CFAP20DC: variants seen among roughly 807,000 people sequenced by gnomAD.
CFAP20DC encodes CFAP20 domain containing.
A neutral mutation model predicts 101.7 loss-of-function variants in CFAP20DC; 84 were observed. That is an observed-to-expected ratio of 0.83 (90% CI 0.69 to 0.99). The LOEUF (loss-of-function observed/expected upper bound fraction) is 0.99, where lower values mean the gene tolerates loss of function less well. Ranked by LOEUF, CFAP20DC falls within the 50% of genes least tolerant of loss-of-function variation. The probability of loss-of-function intolerance (pLI) is 0.00; values close to 1 mark genes in which losing one functional copy is unlikely to be tolerated. For synonymous variants in CFAP20DC, 359 were observed against 351.2 expected (o/e 1.02, Z -0.25); for missense variants, 1,007 against 970.3 (o/e 1.04, Z -0.50).
At position 58,788,747 on chromosome 3, in the gene CFAP20DC, T is replaced by C. The variant is rs1393563960; in HGVS notation, c.2237+17648A>G. On this transcript the variant is annotated intron_variant, in intron 15 of 16. Coordinates refer to ENST00000482387, the MANE Select transcript of CFAP20DC (RefSeq NM_001394063.1). The surrounding 1 kb of genome is among the most constrained non-coding windows in gnomAD (Gnocchi z 4.2). Reference sequence around the variant, plus strand: ...AAACTTCCTTTTAGCCTTGTGACCTTTGAGCCAAACTCTGTGTCTCTTGTT... The same window carrying C: ...AAACTTCCTTTTAGCCTTGTGACCTCTGAGCCAAACTCTGTGTCTCTTGTT... Among the ~76,000 whole-genome samples, 1 of 152,130 alleles carries C rather than the reference T, an allele frequency of 6.6e-6. No homozygotes were observed. Among genetic ancestry groups the C allele is most frequent in the Admixed American group, 6.6e-5 (1 of 15,260 alleles).
chr3:58,984,066 T>A (rs1287024948), intron 4 of CFAP20DC, among the ~76,000 whole-genome samples: 2 of 152,192 alleles, frequency 1.3e-5, no homozygotes, highest in African/African-American at 2.4e-5. Context: ...GTCATTAATG[T>A]TTAAATGGAA....
At chr3:58,954,715 T>A (rs1256570022) in intron 4 of CFAP20DC, among the ~76,000 whole-genome samples, 1 of 152,188 alleles carries the variant, frequency 6.6e-6, no homozygotes, top group African/African-American at 2.4e-5. Context: ...TGAAGATTCT[T>A]CTGTCTTTAA....
intron 4 of CFAP20DC, among the ~76,000 whole-genome samples, chr3:58,960,191 A>ATT (rs1257851754): frequency 6.6e-6 from 1 of 152,036 alleles, no homozygotes; most frequent in Non-Finnish European, 1.5e-5. Flanking sequence ...AGGTTTGTAA[A>ATT]TTTTGTCCAT....
intron 4 of CFAP20DC, among the ~76,000 whole-genome samples, chr3:58,994,804 T>C (rs1031196969): frequency 2.6e-5 from 4 of 151,308 alleles, no homozygotes; most frequent in African/African-American, 9.7e-5. Context: ...ACAGTTTCAA[T>C]GACTTTGCTC....
At chr3:59,047,132 C>T (rs1261239666) in intron 2 of CFAP20DC, 33 bp downstream of exon 2, 1 of 1,357,142 alleles carries the variant, frequency 7.4e-7, no homozygotes, top group Non-Finnish European at 1.0e-6. Context: ...ATTTCTTCCC[C>T]TGATTTATGT....
chr3:58,911,605 A>G (rs115798524), intron 6 of CFAP20DC, among the ~76,000 whole-genome samples: 2 of 152,132 alleles, frequency 1.3e-5, no homozygotes, highest in African/African-American at 4.8e-5. Context: ...AAAATCTATA[A>G]TATAGTAACA....
chr3:58,774,512 C>G (rs1210403838), intron 15 of CFAP20DC, among the ~76,000 whole-genome samples: 1 of 152,128 alleles, frequency 6.6e-6, no homozygotes, highest in African/African-American at 2.4e-5. Context: ...TCCATAAAGG[C>G]ACACACAAAA....
chr3:58,876,295 C>T (rs569451776), intron 7 of CFAP20DC, among the ~76,000 whole-genome samples: 6 of 152,134 alleles, frequency 3.9e-5, no homozygotes, highest in Admixed American at 6.5e-5. Context: ...CTACCATAAT[C>T]GGGTCCTAAT....
chr3:59,012,845 C>A (rs1233760887), intron 4 of CFAP20DC, among the ~76,000 whole-genome samples: 1 of 152,074 alleles, frequency 6.6e-6, no homozygotes, highest in Non-Finnish European at 1.5e-5. Context: ...ATTGTTATCA[C>A]TAAAATTATT....
At chr3:58,992,585 G>A (rs187927880) in intron 4 of CFAP20DC, 1 of 984,038 alleles carries the variant, frequency 1.0e-6, no homozygotes, top group African/African-American at 1.7e-5. Context: ...CATATCTCTT[G>A]GGAAAAGAAT....
At chr3:58,941,109 T>C (rs911031843) in intron 4 of CFAP20DC, among the ~76,000 whole-genome samples, 5 of 151,904 alleles carry the variant, frequency 3.3e-5, no homozygotes, top group African/African-American at 1.2e-4. Flanking sequence ...GGCGGGTGGA[T>C]CACGAGGTCA....
intron 4 of CFAP20DC, among the ~76,000 whole-genome samples, chr3:58,945,163 A>G (rs910271199): frequency 2.0e-5 from 3 of 152,196 alleles, no homozygotes; most frequent in African/African-American, 7.2e-5. Flanking sequence ...TAGTAAGGCT[A>G]GGTATCTCTC....
At chr3:58,930,012 C>T (rs1325209832) in intron 5 of CFAP20DC, among the ~76,000 whole-genome samples, 1 of 152,142 alleles carries the variant, frequency 6.6e-6, no homozygotes, top group African/African-American at 2.4e-5. Flanking sequence ...CTACTCTCCC[C>T]TTCTTCAACT....
intron 7 of CFAP20DC, among the ~76,000 whole-genome samples, chr3:58,870,894 C>CAAAA (rs548763648): frequency 1.7e-3 from 33 of 18,950 alleles, no homozygotes; most frequent in African/African-American, 2.2e-3. Context: ...GACTCCGTCT[C>CAAAA]AAAAAAAAAA....
At chr3:58,850,498 G>C (rs1295472304) in intron 12 of CFAP20DC, among the ~76,000 whole-genome samples, 1 of 150,636 alleles carries the variant, frequency 6.6e-6, no homozygotes, top group African/African-American at 2.4e-5. Flanking sequence ...TGAGGCAGGA[G>C]AATTGCTTGA....
intron 4 of CFAP20DC, among the ~76,000 whole-genome samples, chr3:59,031,970 A>T: frequency 6.6e-6 from 1 of 152,126 alleles, no homozygotes; most frequent in East Asian, 1.9e-4. Flanking sequence ...GAAGGCAGGT[A>T]ATTTCTGCAT....
At chr3:58,794,226 T>C (rs375019985) in intron 15 of CFAP20DC, 9 of 392,736 alleles carry the variant, frequency 2.3e-5, no homozygotes, top group African/African-American at 1.0e-4. Context: ...TTTCAGAATA[T>C]AGTTTTTTTT....
chr3:58,941,980 T>C (rs933776211), intron 4 of CFAP20DC, among the ~76,000 whole-genome samples: 1 of 152,236 alleles, frequency 6.6e-6, no homozygotes, highest in South Asian at 2.1e-4. Context: ...CATTATGACC[T>C]TATTAAGTAT....
intron 4 of CFAP20DC, among the ~76,000 whole-genome samples, chr3:58,999,221 A>C (rs533094821): frequency 6.6e-6 from 1 of 152,244 alleles, no homozygotes; most frequent in East Asian, 1.9e-4. Flanking sequence ...AGTGGAACAT[A>C]TGCTTTATGT....
Sources: allele counts gnomAD v4.1 joint callset (sites outside exome capture counted in the v4.1 genomes callset), GRCh38; gene constraint gnomAD v4.1.1; non-coding constraint Gnocchi (gnomAD v3.1); transcripts MANE v1.5; gene names NCBI Gene and HGNC (gene_info 2026-07-23, HGNC 2026-07-21).